TKT: variants seen among roughly 807,000 people sequenced by gnomAD.
TKT encodes the protein transketolase, also known as epididymis luminal protein 107.
TKT carries 47 observed loss-of-function variants against 63.9 expected under a neutral mutation model. That is an observed-to-expected ratio of 0.74 (90% CI 0.58 to 0.94). TKT has a LOEUF of 0.94. Among genes scored for constraint, TKT ranks in the 40% least tolerant of loss-of-function variants. The pLI, the probability that TKT is intolerant of heterozygous loss-of-function variation, is 0.00. For synonymous variants in TKT, 338 were observed against 334.1 expected, an observed-to-expected ratio of 1.01 and a Z score of -0.13; for missense variants, 721 against 846.2, an observed-to-expected ratio of 0.85 and a Z score of 1.84.
chr3:53,242,666 T>C (rs1705334061), intron 1 of TKT, among the ~76,000 whole-genome samples: 1 of 152,134 alleles, frequency 6.6e-6, no homozygotes, highest in South Asian at 2.1e-4. Flanking sequence ...GTCTAAGGAC[T>C]CAGCAGCCAA....
chr3:53,246,847 G>A (rs1420823611), intron 1 of TKT, among the ~76,000 whole-genome samples: 2 of 95,002 alleles, frequency 2.1e-5, no homozygotes, highest in African/African-American at 7.3e-5. Context: ...GCAAAACTCC[G>A]TCTCAAAAAA....
intron 7 of TKT, 89 bp downstream of exon 7, chr3:53,231,268 C>T: frequency 6.8e-7 from 1 of 1,471,568 alleles, no homozygotes; most frequent in Non-Finnish European, 9.2e-7. Flanking sequence ...GCTCTCCTCC[C>T]TTTCCCAGCC....
chr3:53,232,717 G>A (rs1704823669), intron 6 of TKT: 1 of 398,884 alleles, frequency 2.5e-6, no homozygotes, highest in East Asian at 3.6e-5. Flanking sequence ...ATCTGCCATT[G>A]CTTGAGGAGT....
chr3:53,241,685 TCC>T (rs1705285442), intron 2 of TKT, among the ~76,000 whole-genome samples: 1 of 150,426 alleles, frequency 6.6e-6, no homozygotes, highest in Non-Finnish European at 1.5e-5. Context: ...GGTCAGGGGG[TCC>T]CCATCCAAAA....
chr3:53,244,451 C>G (rs1334288636), intron 1 of TKT, among the ~76,000 whole-genome samples: 1 of 152,186 alleles, frequency 6.6e-6, no homozygotes, highest in East Asian at 1.9e-4. Flanking sequence ...AGGTCTCTAG[C>G]AGCCGCCACC....
chr3:53,252,633 A>G (rs1705803963), intron 1 of TKT, among the ~76,000 whole-genome samples: 1 of 152,164 alleles, frequency 6.6e-6, no homozygotes, highest in Non-Finnish European at 1.5e-5. Context: ...CCGGAGGGGT[A>G]ACGGCGGTGA....
At chr3:53,252,096 C>G (rs1211624464) in intron 1 of TKT, among the ~76,000 whole-genome samples, 2 of 152,224 alleles carry the variant, frequency 1.3e-5, no homozygotes, top group African/African-American at 4.8e-5. Flanking sequence ...GCCAAGATCG[C>G]ACCATTGCAC....
In TKT at chr3:53,225,822, C is replaced by T. The variant is rs1704472683; in HGVS notation, c.1806G>A (p.Leu602=). The T allele has an allele frequency of 5.6e-6, 9 of 1,614,156 alleles. No individual in the cohort carries two copies. Among genetic ancestry groups the T allele is most frequent in the Non-Finnish European group, 7.6e-6 (9 of 1,180,014 alleles). The part of the protein sequence containing the change: ...VPRSGKPAEL[L]KMFGIDRDAI... ...CATCCCTGTCGATACCAAACATCTTCAGCAGCTCAGCCGGCTTCCCACTTC... is the reference window on the plus strand; with the variant it reads ...CATCCCTGTCGATACCAAACATCTTTAGCAGCTCAGCCGGCTTCCCACTTC... The change falls in exon 14 of 14, where the codon CTG becomes CTA. Residue 602 remains leucine (L), a synonymous_variant. Coordinates refer to ENST00000462138, the MANE Select transcript of TKT (RefSeq NM_001064.4).
At chr3:53,240,474 G>A (rs1705226875) in intron 3 of TKT, 126 bp from the exon 4 acceptor site, 1 of 734,194 alleles carries the variant, frequency 1.4e-6, no homozygotes, top group Non-Finnish European at 2.2e-6. Flanking sequence ...CCCCAGGATG[G>A]CCTCTACCTA....
intron 1 of TKT, among the ~76,000 whole-genome samples, chr3:53,248,467 T>C (rs1209738843): frequency 1.3e-5 from 2 of 152,170 alleles, no homozygotes; most frequent in African/African-American, 4.8e-5. Context: ...ACCCTGTCTC[T>C]ACAAATAATT....
At chr3:53,228,845 T>C in intron 10 of TKT, 162 bp downstream of exon 10, 1 of 960,014 alleles carries the variant, frequency 1.0e-6, no homozygotes, top group South Asian at 1.6e-5. Context: ...GTGGGGTGTG[T>C]ATTTCGTTTT....
In TKT at chr3:53,241,133, G is replaced by A. The variant is rs1553679738; in HGVS notation, c.338C>T (p.Pro113Leu). The change falls in exon 3 of 14, where the codon CCG (proline) becomes CTG (leucine). Residue 113 changes from proline (P) to leucine (L), a missense_variant and splice_region_variant. Coordinates refer to ENST00000462138, the MANE Select transcript of TKT (RefSeq NM_001064.4). ...ISSDLDGHPVPKQAFTDVATG... is the reference protein window; with the variant it reads ...ISSDLDGHPVLKQAFTDVATG... ...GGAGGCTCTGGCAGGAGCACTTACC[G>A]GGACCGGGTGCCCGTCCAAGTCGGA... 1.4e-5 allele frequency: 21 copies of A among 1,553,234 alleles called. No individual in the cohort carries two copies. Among genetic ancestry groups the A allele is most frequent in the Admixed American group, 2.2e-5 (1 of 45,982 alleles).
intron 1 of TKT, among the ~76,000 whole-genome samples, chr3:53,255,623 C>G (rs1705955514): frequency 6.6e-6 from 1 of 152,088 alleles, no homozygotes; most frequent in Non-Finnish European, 1.5e-5. Flanking sequence ...CCCACGCGGC[C>G]GAGCCCGGGC....
chr3:53,228,504 G>A lies in TKT; in HGVS notation c.1396-145C>T. Reference sequence around the variant, plus strand: ...TCCAGCAGGGAAAAGGGCCTTGCTTGCCCTCTGCCGCCCGCACCCCACTTG... The same window carrying A: ...TCCAGCAGGGAAAAGGGCCTTGCTTACCCTCTGCCGCCCGCACCCCACTTG... On this transcript the variant is annotated intron_variant, in intron 10 of 13. Coordinates refer to ENST00000462138, the MANE Select transcript of TKT (RefSeq NM_001064.4). 4 of 863,714 alleles carry A rather than the reference G, an allele frequency of 4.6e-6. No individual in the cohort carries two copies. In the South Asian group the frequency reaches 6.3e-5, roughly 14 times the overall value. The allele number at this position is 863,714 out of a possible 1,614,324, so 53.5% of individuals were successfully genotyped here. A position where few individuals can be genotyped will look rare whatever the true frequency, so the allele number is the denominator to read the frequency against.
At position 53,235,194 on chromosome 3, in the gene TKT, C is replaced by T. The variant is rs781949504; in HGVS notation, c.438-20G>A. 1.0e-5 allele frequency: 16 copies of T among 1,589,170 alleles called. No individual in the cohort carries two copies. The South Asian group carries it at 1.8e-4, about 18-fold the overall frequency. ...CGGTAGCTGTGGACAGAGAGTGAAT[C>T]AGGCCAGTCCCTCTCACCTGGACCC... On this transcript the variant is annotated intron_variant, in intron 4 of 13. Transcript: ENST00000462138.
At chr3:53,228,679 GGCCTGGACCACAGGGCTCAGCTCATCCTT>G in intron 10 of TKT, 1 of 506,364 alleles carries the variant, frequency 2.0e-6, no homozygotes, top group South Asian at 2.1e-5. Context: ...TGCAGCTCCG[GGCCTGGACCACAGGGCTCAGCTCATCCTT>G]GCCTGTCTTG....
intron 6 of TKT, 58 bp downstream of exon 6, chr3:53,233,098 G>T: frequency 6.8e-7 from 1 of 1,462,108 alleles, no homozygotes; most frequent in Non-Finnish European, 9.5e-7. Context: ...TCAGAGCTAC[G>T]TAGCCACAGT....
chr3:53,248,247 C>T (rs1451595752), intron 1 of TKT, among the ~76,000 whole-genome samples: 1 of 152,126 alleles, frequency 6.6e-6, no homozygotes, highest in East Asian at 1.9e-4. Context: ...ACACGGCCTG[C>T]CAGCAGCAGA....
chr3:53,230,674 C>CT, intron 7 of TKT, 53 bp from the exon 8 acceptor site: 1 of 1,600,278 alleles, frequency 6.2e-7, no homozygotes, highest in Non-Finnish European at 8.5e-7. Context: ...TGAGTGCACA[C>CT]CTGCAGCCTG....
Sources: allele counts gnomAD v4.1 joint callset (sites outside exome capture counted in the v4.1 genomes callset), GRCh38; gene constraint gnomAD v4.1.1; transcripts MANE v1.5; gene names NCBI Gene and HGNC (gene_info 2026-07-23, HGNC 2026-07-21).